The following UGT1A8 variants were observed in gnomAD, a reference collection of about 807,000 sequenced individuals.
The protein encoded by UGT1A8 is UDP glucuronosyltransferase family 1 member A8, also known as UDP-glucuronosyltransferase 1A8.
Under a neutral mutation model 45.3 loss-of-function variants are expected in UGT1A8, and 39 were observed. The observed-to-expected ratio is 0.86, with a 90% CI of 0.67 to 1.12. The LOEUF is 1.12. Among genes scored for constraint, UGT1A8 ranks in the 50% most tolerant of loss-of-function variants. The pLI, the probability that UGT1A8 is intolerant of heterozygous loss-of-function variation, is 0.00. For missense variants in UGT1A8, 719 were observed against 664.9 expected (o/e 1.08, Z -0.90); for synonymous variants, 275 against 249.2 (o/e 1.10, Z -0.97).
intron 1 of UGT1A8, among the ~76,000 whole-genome samples, chr2:233,680,206 C>T (rs777098137): frequency 6.6e-6 from 1 of 152,090 alleles, no homozygotes; most frequent in Non-Finnish European, 1.5e-5. Context: ...ATTAGTTGCA[C>T]TTTATAGTCC....
intron 1 of UGT1A8, chr2:233,713,020 C>T (rs143190267): frequency 2.4e-5 from 38 of 1,613,618 alleles, no homozygotes; most frequent in African/African-American, 6.7e-5. Context: ...GTTCCCCTGC[C>T]GCAGCTGGCC....
At chr2:233,718,604 T>G (rs1205248797) in intron 1 of UGT1A8, among the ~76,000 whole-genome samples, 1 of 152,226 alleles carries the variant, frequency 6.6e-6, no homozygotes, top group East Asian at 1.9e-4. Flanking sequence ...CAGATGAGCT[T>G]TTCAAGATAG....
chr2:233,693,627 G>A lies in UGT1A8; in HGVS notation c.856-73407G>A, dbSNP rs1434633397. On this transcript the variant is annotated intron_variant, in intron 1 of 4. Transcript: ENST00000373450. ...TCAGACCACATGACTTTTTCCCAAC[G>A]AGTGGCCAACTTCCTTGTTAATTTG... is the stretch of plus-strand genomic sequence containing the variant. 2.5e-6 allele frequency: 4 copies of A among 1,614,066 alleles called. No homozygotes were observed. The highest frequency in any genetic ancestry group is 1.7e-5 in the Admixed American group (1 of 60,010).
intron 1 of UGT1A8, chr2:233,741,799 G>A (rs1253457401): frequency 3.3e-5 from 5 of 151,906 alleles, no homozygotes; most frequent in African/African-American, 1.2e-4. Flanking sequence ...TTACCAGCAT[G>A]CTGCTCTTAA....
rs139116240 is a variant in UGT1A8, at chr2:233,744,094, T to C, written c.856-22940T>C. 9.0e-3 allele frequency: 3,757 copies of C among 416,138 alleles called. 139 individuals carry two copies. The highest frequency in any genetic ancestry group is 0.069 in the Admixed American group (1,831 of 26,694). The allele number at this position is 416,138 out of a possible 1,614,324, so 25.8% of individuals were successfully genotyped here. ...GCCTCGCATCCCAAGATGCAGTGCT[T>C]CTGGGACTGGCCCTGCTCTCTGTGA... On this transcript the variant is annotated intron_variant, in intron 1 of 4. Coordinates refer to ENST00000373450, the MANE Select transcript of UGT1A8 (RefSeq NM_019076.5).
intron 1 of UGT1A8, among the ~76,000 whole-genome samples, chr2:233,764,353 CCTCATAGTAGCTGG>C (rs1280586461): frequency 1.6e-4 from 25 of 152,240 alleles, no homozygotes; most frequent in Non-Finnish European, 2.8e-4. Context: ...CTTTATTGAG[CCTCATAGTAGCTGG>C]CTCAGGTAGG....
chr2:233,674,696 T>C (rs1363501831), intron 1 of UGT1A8, among the ~76,000 whole-genome samples: 1 of 152,210 alleles, frequency 6.6e-6, no homozygotes, highest in African/African-American at 2.4e-5. Flanking sequence ...TTAAAGAATA[T>C]GGATGTATGA....
chr2:233,760,868 C>T (rs1697593103), intron 1 of UGT1A8: 1 of 1,614,100 alleles, frequency 6.2e-7, no homozygotes, highest in East Asian at 2.2e-5. Flanking sequence ...TCCTACGTGC[C>T]CAGGCCTCTC....
At chr2:233,685,302 A>G (rs1183812820) in intron 1 of UGT1A8, among the ~76,000 whole-genome samples, 1 of 152,094 alleles carries the variant, frequency 6.6e-6, no homozygotes, top group African/African-American at 2.4e-5. Flanking sequence ...CAAAGTGTTG[A>G]GATTACAGGT....
chr2:233,618,499 C>T lies in UGT1A8; in HGVS notation c.792C>T (p.Pro264=), dbSNP rs764965587. ...ACTTTGTTTTGGACTATCCCAAACC[C>T]GTGATGCCCAATATGATCTTCATTG... ...RTDFVLDYPK[P]VMPNMIFIGG... Residue 264 remains proline, a synonymous_variant, in exon 1 of 5, where the codon CCC becomes CCT. Transcript: ENST00000373450. 9.3e-6 allele frequency: 15 copies of T among 1,613,734 alleles called. No individual in the cohort carries two copies. The African/African-American group carries it at 9.3e-5, about 10-fold the overall frequency.
At chr2:233,673,119 G>T (rs1020040608) in intron 1 of UGT1A8, among the ~76,000 whole-genome samples, 1 of 151,998 alleles carries the variant, frequency 6.6e-6, no homozygotes, top group African/African-American at 2.4e-5. Flanking sequence ...CAGAGGAAAT[G>T]GTCTTAGTTT....
At chr2:233,696,543 T>G (rs1300972525) in intron 1 of UGT1A8, among the ~76,000 whole-genome samples, 2 of 152,234 alleles carry the variant, frequency 1.3e-5, no homozygotes, top group African/African-American at 4.8e-5. Context: ...TAAATTTTTC[T>G]GAATATATTA....
chr2:233,766,145 C>T (rs1400021152), intron 1 of UGT1A8, among the ~76,000 whole-genome samples: 1 of 152,164 alleles, frequency 6.6e-6, no homozygotes, highest in South Asian at 2.1e-4. Flanking sequence ...CGAATCCCAC[C>T]TGGGCTTGGA....
At position 233,769,453 on chromosome 2, in the gene UGT1A8, GCATT is replaced by G; in HGVS notation, c.1295+1018_1295+1021del. The G allele has an allele frequency of 6.3e-7, 1 of 1,591,058 alleles. No homozygotes were observed. Among genetic ancestry groups the G allele is most frequent in the Non-Finnish European group, 8.6e-7 (1 of 1,161,716 alleles). Reference sequence around the variant, plus strand: ...TGCTCATGTGTGGGTGCACACGTGTGCATTCATATGCGTGTGTGTGTGTGTGCGT... The same window carrying G: ...TGCTCATGTGTGGGTGCACACGTGTGCATATGCGTGTGTGTGTGTGTGCGT... On this transcript the variant is annotated intron_variant, in intron 4 of 4. Coordinates refer to ENST00000373450, the MANE Select transcript of UGT1A8 (RefSeq NM_019076.5). This position sits in a 1 kb window ranked among gnomAD's most constrained non-coding sequence, Gnocchi z 4.4.
chr2:233,712,856 C>T, intron 1 of UGT1A8: 12 of 1,553,654 alleles, frequency 7.7e-6, no homozygotes, highest in Non-Finnish European at 1.0e-5. Context: ...TAATAAGTAA[C>T]TGGAGGAGGG....
At chr2:233,681,884 C>T in intron 1 of UGT1A8, 1 of 1,560,846 alleles carries the variant, frequency 6.4e-7, no homozygotes, top group Non-Finnish European at 8.7e-7. Flanking sequence ...CTTCCACTTA[C>T]TATATTATAG....
At chr2:233,766,444 G>A (rs1260169711) in intron 1 of UGT1A8, among the ~76,000 whole-genome samples, 1 of 152,210 alleles carries the variant, frequency 6.6e-6, no homozygotes, top group African/African-American at 2.4e-5. Context: ...CTGTGTGTCT[G>A]CCTGCTAGGG....
At chr2:233,728,419 C>T (rs1433487219) in intron 1 of UGT1A8, among the ~76,000 whole-genome samples, 2 of 152,142 alleles carry the variant, frequency 1.3e-5, no homozygotes, top group East Asian at 3.9e-4. Flanking sequence ...GATAGCAGCA[C>T]CTCTTCTTCC....
intron 1 of UGT1A8, among the ~76,000 whole-genome samples, chr2:233,750,198 C>T (rs914711353): frequency 6.6e-6 from 1 of 151,796 alleles, no homozygotes; most frequent in African/African-American, 2.4e-5. Context: ...ACAATGAAGT[C>T]CAGGCTGAGT....
Sources: gnomAD v4.1 joint callset for allele counts (sites outside exome capture counted in the v4.1 genomes callset) on GRCh38, gnomAD v4.1.1 for gene constraint, Gnocchi (gnomAD v3.1) non-coding constraint, MANE v1.5 for transcripts, NCBI Gene and HGNC (gene_info 2026-07-23, HGNC 2026-07-21) for gene names.